EPHA3: variants seen among roughly 807,000 people sequenced by gnomAD.
EPHA3 encodes the protein ephrin type-A receptor 3.
A neutral mutation model predicts 107.1 loss-of-function variants in EPHA3; 42 were observed. The ratio of observed to expected loss-of-function variants is 0.39; its 90% CI spans 0.31 to 0.51. The LOEUF (loss-of-function observed/expected upper bound fraction) is 0.51, where lower values mean the gene tolerates loss of function less well. EPHA3 is among the 20% of genes least tolerant of loss of function. EPHA3 has a pLI of 0.78. For synonymous variants in EPHA3, 461 were observed against 424.8 expected (o/e 1.09, Z -1.05); for missense variants, 1,183 against 1,211.2 (o/e 0.98, Z 0.35).
At chr3:89,145,794 T>G (rs1704544407) in intron 2 of EPHA3, among the ~76,000 whole-genome samples, 1 of 151,806 alleles carries the variant, frequency 6.6e-6, no homozygotes, top group Non-Finnish European at 1.5e-5. Flanking sequence ...TAGAATCGAT[T>G]TCTCACTCTC....
intron 3 of EPHA3, among the ~76,000 whole-genome samples, chr3:89,300,786 T>C (rs1281675670): frequency 6.6e-6 from 1 of 152,044 alleles, no homozygotes; most frequent in African/African-American, 2.4e-5. Context: ...TCCTGTGTGG[T>C]GAGGCCAATT....
intron 3 of EPHA3, among the ~76,000 whole-genome samples, chr3:89,296,790 A>G (rs1706365034): frequency 6.6e-6 from 1 of 152,144 alleles, no homozygotes; most frequent in Non-Finnish European, 1.5e-5. Flanking sequence ...ATATAAGACT[A>G]TTTTGTCTAC....
At chr3:89,158,109 A>G (rs1259586478) in intron 2 of EPHA3, among the ~76,000 whole-genome samples, 2 of 152,150 alleles carry the variant, frequency 1.3e-5, no homozygotes, top group Non-Finnish European at 2.9e-5. Flanking sequence ...ACAAGATAAC[A>G]CAATGGGACA....
At chr3:89,276,964 C>G (rs1705821841) in intron 3 of EPHA3, among the ~76,000 whole-genome samples, 1 of 152,022 alleles carries the variant, frequency 6.6e-6, no homozygotes, top group African/African-American at 2.4e-5. Context: ...TTTAAAATGT[C>G]ATCTTATAAA....
intron 5 of EPHA3, among the ~76,000 whole-genome samples, chr3:89,356,670 A>G (rs952643970): frequency 2.0e-5 from 3 of 151,250 alleles, no homozygotes; most frequent in Non-Finnish European, 3.0e-5. Flanking sequence ...ACACATATAC[A>G]TATGTATATA....
intron 5 of EPHA3, among the ~76,000 whole-genome samples, chr3:89,356,491 A>T (rs1046407399): frequency 2.6e-5 from 4 of 151,158 alleles, no homozygotes; most frequent in Non-Finnish European, 4.4e-5. Flanking sequence ...CCTCTCCAGC[A>T]CCTGTTGTTT....
At chr3:89,122,918 A>G (rs1263205633) in intron 1 of EPHA3, among the ~76,000 whole-genome samples, 1 of 152,168 alleles carries the variant, frequency 6.6e-6, no homozygotes, top group African/African-American at 2.4e-5. Flanking sequence ...CTAATGAGCA[A>G]TTTTACTAGG....
intron 5 of EPHA3, among the ~76,000 whole-genome samples, chr3:89,387,404 G>A (rs1181098093): frequency 2.6e-5 from 4 of 152,138 alleles, no homozygotes; most frequent in African/African-American, 4.8e-5. Context: ...GCAGCCATGT[G>A]AAGAAGGAAG....
chr3:89,190,628 C>A (rs1427813640), intron 2 of EPHA3, among the ~76,000 whole-genome samples: 1 of 152,066 alleles, frequency 6.6e-6, no homozygotes, highest in Non-Finnish European at 1.5e-5. Flanking sequence ...GGTGTAATTG[C>A]ATAAAGTTGT....
intron 5 of EPHA3, among the ~76,000 whole-genome samples, chr3:89,384,171 A>G (rs1251550598): frequency 6.6e-6 from 1 of 151,970 alleles, no homozygotes; most frequent in Non-Finnish European, 1.5e-5. Flanking sequence ...AGTCCTTCCA[A>G]TTTTGATTAT....
intron 13 of EPHA3, 41 bp from the exon 14 acceptor site, chr3:89,449,184 A>C: frequency 2.6e-6 from 4 of 1,561,522 alleles, no homozygotes; most frequent in Non-Finnish European, 3.5e-6. Flanking sequence ...TATATGTTCT[A>C]TGCATTGCTG....
intron 3 of EPHA3, among the ~76,000 whole-genome samples, chr3:89,234,848 T>G (rs1351722248): frequency 2.3e-5 from 3 of 130,334 alleles, no homozygotes; most frequent in Non-Finnish European, 3.2e-5. Flanking sequence ...TTTCCTTCCT[T>G]CCTTCCTCCC....
At chr3:89,455,855 G>C (rs939416268) in intron 15 of EPHA3, among the ~76,000 whole-genome samples, 4 of 152,092 alleles carry the variant, frequency 2.6e-5, no homozygotes, top group Non-Finnish European at 5.9e-5. Context: ...TTCTTTTACA[G>C]AGCACCATAT....
At chr3:89,258,974 G>T (rs564927885) in intron 3 of EPHA3, among the ~76,000 whole-genome samples, 3 of 151,990 alleles carry the variant, frequency 2.0e-5, no homozygotes, top group Non-Finnish European at 4.4e-5. Context: ...ATCTCTTGGC[G>T]CCTGAATAAG....
At chr3:89,333,014 T>G (rs1707321927) in intron 3 of EPHA3, among the ~76,000 whole-genome samples, 1 of 152,168 alleles carries the variant, frequency 6.6e-6, no homozygotes. Context: ...GTTTACTAAG[T>G]GCATTTGTTT....
chr3:89,429,830 C>T lies in EPHA3; in HGVS notation c.2136+663C>T, dbSNP rs558293658. Among the ~76,000 whole-genome samples the T allele has an allele frequency of 5.7e-4, 87 of 152,076 alleles. 1 individual carries two copies. Among genetic ancestry groups the T allele is most frequent in the African/African-American group, 1.9e-3 (78 of 41,424 alleles). ...TGGTGCAATGGTGCAATGGTGCAAT[C>T]TTGGCTCACTGCAATCCCCGCCTGC... On this transcript the variant is annotated intron_variant, in intron 12 of 16. Coordinates refer to ENST00000336596, the MANE Select transcript of EPHA3 (RefSeq NM_005233.6).
At chr3:89,381,264 G>A (rs903313982) in intron 5 of EPHA3, among the ~76,000 whole-genome samples, 10 of 151,870 alleles carry the variant, frequency 6.6e-5, no homozygotes, top group East Asian at 2.0e-4. Flanking sequence ...GAGCCACCGC[G>A]CCCGGCCTAT....
At chr3:89,370,636 A>G (rs1387387696) in intron 5 of EPHA3, among the ~76,000 whole-genome samples, 1 of 151,940 alleles carries the variant, frequency 6.6e-6, no homozygotes, top group Non-Finnish European at 1.5e-5. Context: ...GTACACATGT[A>G]CCCTAAAACT....
chr3:89,459,618 G>A (rs1213106226), intron 15 of EPHA3, among the ~76,000 whole-genome samples: 1 of 151,864 alleles, frequency 6.6e-6, no homozygotes, highest in African/African-American at 2.4e-5. Flanking sequence ...CGCCTCCTGG[G>A]TTCAGGCGAT....
Sources: gnomAD v4.1 joint callset for allele counts (sites outside exome capture counted in the v4.1 genomes callset) on GRCh38, gnomAD v4.1.1 for gene constraint, MANE v1.5 for transcripts, NCBI Gene and HGNC (gene_info 2026-07-23, HGNC 2026-07-21) for gene names.